MYO3A: variants seen among roughly 807,000 people sequenced by gnomAD.
MYO3A encodes the protein myosin IIIA.
A neutral mutation model predicts 192.7 loss-of-function variants in MYO3A; 180 were observed. The ratio of observed to expected loss-of-function variants is 0.93; its 90% CI spans 0.83 to 1.06. The LOEUF is 1.06. Among genes scored for constraint, MYO3A ranks in the 50% least tolerant of loss-of-function variants. MYO3A has a pLI of 0.00. For synonymous variants in MYO3A, 628 were observed against 645.3 expected, an observed-to-expected ratio of 0.97 and a Z score of 0.41; for missense variants, 1,896 against 1,905.0, an observed-to-expected ratio of 1.00 and a Z score of 0.09.
chr10:26,165,806 C>G, intron 26 of MYO3A: 4 of 545,500 alleles, frequency 7.3e-6, no homozygotes, highest in South Asian at 7.2e-5. Context: ...GAGTTCTTGT[C>G]AGGGGAGTGC....
At chr10:26,049,894 T>C (rs184327154) in intron 10 of MYO3A, among the ~76,000 whole-genome samples, 129 of 152,064 alleles carry the variant, frequency 8.5e-4, no homozygotes, top group African/African-American at 3.1e-3. Context: ...TAGGATGGTC[T>C]CGATCTCATG....
At chr10:26,068,679 A>G in intron 11 of MYO3A, 89 bp from the exon 12 acceptor site, 1 of 848,896 alleles carries the variant, frequency 1.2e-6, no homozygotes, top group Non-Finnish European at 1.9e-6. Flanking sequence ...TCCAGATTCC[A>G]GATGTTCTGT....
rs1371085894 is a variant in MYO3A, at chr10:26,203,067, C to G, written c.4690C>G (p.Gln1564Glu). The change falls in exon 34 of 35, where the codon CAG (glutamine) becomes GAG (glutamate). Residue 1564 changes from glutamine (Q) to glutamate (E), a missense_variant. By Grantham distance (29) the Gln-to-Glu change is conservative (BLOSUM62 2). Transcript: ENST00000642920. ...HSPSLRERRP[Q>E]QELQNQCIKA... ...CCCTAGTTTAAGAGAACGAAGACCACAGCAAGAACTCCAGAATCAATGTAT... is the reference window on the plus strand; with the variant it reads ...CCCTAGTTTAAGAGAACGAAGACCAGAGCAAGAACTCCAGAATCAATGTAT... The G allele has an allele frequency of 6.2e-7, 1 of 1,613,710 alleles. No homozygotes were observed.
chr10:25,954,385 A>T (rs1837403886), intron 3 of MYO3A, among the ~76,000 whole-genome samples: 1 of 152,018 alleles, frequency 6.6e-6, no homozygotes, highest in African/African-American at 2.4e-5. Flanking sequence ...GCAATCTTTT[A>T]TAACTTAACT....
intron 2 of MYO3A, among the ~76,000 whole-genome samples, chr10:25,938,981 T>G (rs1270791149): frequency 6.6e-6 from 1 of 152,156 alleles, no homozygotes; most frequent in Non-Finnish European, 1.5e-5. Flanking sequence ...TTGGAGAGAA[T>G]GATTTTTTTG....
intron 28 of MYO3A, 53 bp from the exon 29 acceptor site, chr10:26,170,363 A>T: frequency 6.3e-7 from 1 of 1,590,266 alleles, no homozygotes; most frequent in Non-Finnish European, 8.6e-7. Context: ...CTTTAAAGTA[A>T]ATTTCTTTTA....
intron 31 of MYO3A, among the ~76,000 whole-genome samples, chr10:26,189,614 G>A (rs989588071): frequency 1.3e-5 from 2 of 152,202 alleles, no homozygotes; most frequent in African/African-American, 4.8e-5. Context: ...ACTGACAAGA[G>A]GAGAAAGTCC....
intron 4 of MYO3A, among the ~76,000 whole-genome samples, chr10:25,970,975 T>C (rs1273997765): frequency 6.6e-6 from 1 of 152,052 alleles, no homozygotes; most frequent in Non-Finnish European, 1.5e-5. Flanking sequence ...ACTGGTGAAT[T>C]CTGTCAAATA....
intron 27 of MYO3A, among the ~76,000 whole-genome samples, chr10:26,167,269 G>C (rs1441598562): frequency 6.6e-6 from 1 of 151,662 alleles, no homozygotes; most frequent in Admixed American, 6.6e-5. Flanking sequence ...GTTTGGATGA[G>C]AAACTATCCC....
intron 17 of MYO3A, among the ~76,000 whole-genome samples, chr10:26,104,639 A>AT (rs1169755972): frequency 6.6e-6 from 1 of 151,718 alleles, no homozygotes; most frequent in Non-Finnish European, 1.5e-5. Flanking sequence ...TTTTTTTAAA[A>AT]TTTTTTTTGG....
chr10:26,191,460 CTT>C (rs1252369381), intron 31 of MYO3A, among the ~76,000 whole-genome samples: 1 of 152,198 alleles, frequency 6.6e-6, no homozygotes, highest in African/African-American at 2.4e-5. Flanking sequence ...AGTGCTTTCA[CTT>C]TTGTTTATTA....
intron 4 of MYO3A, among the ~76,000 whole-genome samples, chr10:25,968,712 A>G (rs1838414576): frequency 6.6e-6 from 1 of 152,218 alleles, no homozygotes; most frequent in Non-Finnish European, 1.5e-5. Context: ...TGAAAATATT[A>G]AATGGGAAAT....
At chr10:26,089,550 G>A (rs894787928) in intron 15 of MYO3A, among the ~76,000 whole-genome samples, 4 of 151,378 alleles carry the variant, frequency 2.6e-5, no homozygotes, top group East Asian at 1.9e-4. Context: ...GCAGTGAACC[G>A]AGATCATGCC....
At position 26,174,405 on chromosome 10, in the gene MYO3A, A is replaced by G. The variant is rs771244264; in HGVS notation, c.4141A>G (p.Thr1381Ala). 6.2e-7 allele frequency: 1 copy of G among 1,614,258 alleles called. No individual in the cohort carries two copies. Among genetic ancestry groups the G allele is most frequent in the Non-Finnish European group, 8.5e-7 (1 of 1,180,050 alleles). ...TTCTTTTAAGCATCAGAGGATTGTC[A>G]CAACACCAACAGAAGTAGCAAGAAA... ...MSSFKHQRIV[T>A]TPTEVARNTH... The change falls in exon 30 of 35, where the codon ACA (threonine) becomes GCA (alanine). Residue 1381 changes from threonine (T) to alanine (A), a missense_variant. Thr to Ala is a moderately conservative substitution (Grantham distance 58). Transcript: ENST00000642920.
chr10:26,098,235 C>T (rs1281493162), intron 17 of MYO3A, among the ~76,000 whole-genome samples: 1 of 152,178 alleles, frequency 6.6e-6, no homozygotes, highest in Non-Finnish European at 1.5e-5. Flanking sequence ...TGTTCATATC[C>T]TTCGCCCACT....
intron 10 of MYO3A, among the ~76,000 whole-genome samples, chr10:26,048,872 C>T (rs1843792006): frequency 6.6e-6 from 1 of 152,090 alleles, no homozygotes; most frequent in Admixed American, 6.6e-5. Context: ...GATGAGGTCA[C>T]TGAATGTGAG....
intron 15 of MYO3A, among the ~76,000 whole-genome samples, chr10:26,092,522 C>T (rs142675527): frequency 6.6e-6 from 1 of 152,166 alleles, no homozygotes; most frequent in Non-Finnish European, 1.5e-5. Context: ...TTGTTGGCCA[C>T]TTCGTTGAAG....
intron 26 of MYO3A, among the ~76,000 whole-genome samples, chr10:26,163,900 A>G (rs147094572): frequency 2.0e-5 from 3 of 152,332 alleles, no homozygotes; most frequent in East Asian, 3.9e-4. Flanking sequence ...AAATCATTAA[A>G]TATGGGGCAT....
In MYO3A at chr10:26,096,572, C is replaced by A; in HGVS notation, c.1666C>A (p.Leu556Ile). 1 of 1,598,970 alleles carries A rather than the reference C, an allele frequency of 6.3e-7. No individual in the cohort carries two copies. Among genetic ancestry groups the A allele is most frequent in the South Asian group, 1.1e-5 (1 of 90,712 alleles). ...KLPENKPPRY[L>I]QNDHLRTVQD... is the part of the protein sequence containing the mutation. The stretch of plus-strand genomic sequence containing the variant: ...TTCCTTTTATATTTTTTTTAGGTAC[C>A]TACAAAATGACCACCTCAGAACAGT... The change falls in exon 17 of 35, where the codon CTA (leucine) becomes ATA (isoleucine). Residue 556 changes from leucine to isoleucine, a missense_variant. By Grantham distance (5) the Leu-to-Ile change is conservative. Coordinates refer to ENST00000642920, the MANE Select transcript of MYO3A (RefSeq NM_017433.5).
Sources: gnomAD v4.1 joint callset for allele counts (sites outside exome capture counted in the v4.1 genomes callset) on GRCh38, gnomAD v4.1.1 for gene constraint, MANE v1.5 for transcripts, NCBI Gene and HGNC (gene_info 2026-07-23, HGNC 2026-07-21) for gene names.